Variants in SERPINB5 observed in about 807,000 individuals in gnomAD.
SERPINB5 encodes the protein serpin B5.
In SERPINB5, 27 loss-of-function variants were observed where a neutral mutation model predicts 32.2. The ratio of observed to expected loss-of-function variants is 0.84; its 90% CI spans 0.62 to 1.16. The LOEUF (loss-of-function observed/expected upper bound fraction) is 1.16. Ranked by LOEUF, SERPINB5 falls within the 50% of genes most tolerant of loss-of-function variation. The probability of loss-of-function intolerance (pLI) is 0.00; values close to 1 mark genes in which losing one functional copy is unlikely to be tolerated. For missense variants in SERPINB5, 388 were observed against 436.3 expected, an observed-to-expected ratio of 0.89 and a Z score of 0.99; for synonymous variants, 154 against 157.4, an observed-to-expected ratio of 0.98 and a Z score of 0.16.
intron 1 of SERPINB5, among the ~76,000 whole-genome samples, chr18:63,481,543 G>T (rs1917127593): frequency 6.6e-6 from 1 of 152,226 alleles, no homozygotes; most frequent in Non-Finnish European, 1.5e-5. Flanking sequence ...TGGTGGAAGT[G>T]TTAAGAAGCT....
chr18:63,504,731 T>C lies in SERPINB5; in HGVS notation c.*1009T>C, dbSNP rs1012218378. 2 of 152,192 alleles carry C rather than the reference T, an allele frequency of 1.3e-5. No homozygotes were observed. Among genetic ancestry groups the C allele is most frequent in the Non-Finnish European group, 2.9e-5 (2 of 68,032 alleles). The allele number at this position is 152,192 out of a possible 1,614,324, so 9.4% of individuals were successfully genotyped here. On this transcript the variant is annotated 3_prime_UTR_variant, in exon 7 of 7. Coordinates refer to ENST00000382771, the MANE Select transcript of SERPINB5 (RefSeq NM_002639.5). Reference sequence around the variant, plus strand: ...TGTGTTGAAGGAACTTGTCTCTTCATCTAATATGATAGCGGGAAAAGGAGA... The same window carrying C: ...TGTGTTGAAGGAACTTGTCTCTTCACCTAATATGATAGCGGGAAAAGGAGA...
At position 63,493,031 on chromosome 18, in the gene SERPINB5, T is replaced by C; in HGVS notation, c.503T>C (p.Val168Ala). The change falls in exon 5 of 7, where the codon GTT becomes GCT. Residue 168 changes from valine (V) to alanine (A), a missense_variant. Transcript: ENST00000382771. ...KILVVNAAYF[V>A]GKWMKKFSES... Reference sequence around the variant, plus strand: ...CTTGTGGTTAATGCTGCCTACTTTGTTGGCAAGTGGATGAAGAAATTTTCT... The same window carrying C: ...CTTGTGGTTAATGCTGCCTACTTTGCTGGCAAGTGGATGAAGAAATTTTCT... 6.2e-7 allele frequency: 1 copy of C among 1,614,244 alleles called. No homozygotes were observed.
chr18:63,492,991 G>C lies in SERPINB5; in HGVS notation c.463G>C (p.Asp155His), dbSNP rs1352255563. The C allele has an allele frequency of 6.2e-7, 1 of 1,614,102 alleles. No homozygotes were observed. Among genetic ancestry groups the C allele is most frequent in the Admixed American group, 1.7e-5 (1 of 60,018 alleles). ...ENILADNSVN[D>H]QTKILVVNAA... Reference sequence around the variant, plus strand: ...CATTTTAGCTGACAACAGTGTGAACGACCAGACCAAAATCCTTGTGGTTAA... The same window carrying C: ...CATTTTAGCTGACAACAGTGTGAACCACCAGACCAAAATCCTTGTGGTTAA... Residue 155 changes from aspartate (D) to histidine (H), a missense_variant, in exon 5 of 7, where the codon GAC (aspartate) becomes CAC (histidine). Physicochemically the swap from Asp to His is moderately conservative, Grantham distance 81. Transcript: ENST00000382771.
rs891966237 is a variant in SERPINB5 at position 63,500,999 on chromosome 18, A to G, written c.735+1712A>G. 2.7e-5 allele frequency among the ~76,000 whole-genome samples: 4 copies of G among 148,258 alleles called. No individual in the cohort carries two copies. The East Asian group carries it at 7.8e-4, about 29-fold the overall frequency. ...CTTAAAACGCCCTCCAATAAACATCAATTATTTTCTTCTTCTTCTTCTTTT... is the reference window on the plus strand; with the variant it reads ...CTTAAAACGCCCTCCAATAAACATCGATTATTTTCTTCTTCTTCTTCTTTT... On this transcript the variant is annotated intron_variant, in intron 6 of 6. Transcript: ENST00000382771.
chr18:63,489,743 GC>G (rs2144499604), intron 4 of SERPINB5, among the ~76,000 whole-genome samples: 2 of 152,254 alleles, frequency 1.3e-5, no homozygotes, highest in African/African-American at 4.8e-5. Flanking sequence ...AATCCTAGCT[GC>G]GCCTCTAACA....
At position 63,486,950 on chromosome 18, in the gene SERPINB5, T is replaced by C. The variant is rs759489446; in HGVS notation, c.173T>C (p.Leu58Pro). ...AACGGATTTTTCTCTTAACAGGTTC[T>C]TCATTTTGAAAATGTCAAAGATGTA... is the stretch of plus-strand genomic sequence containing the variant. The part of the protein sequence containing the change: ...GDTANEIGQV[L>P]HFENVKDVPF... The change falls in exon 3 of 7, where the codon CTT becomes CCT. Residue 58 changes from leucine to proline, a missense_variant. Transcript: ENST00000382771. The C allele has an allele frequency of 5.0e-6, 8 of 1,613,982 alleles. No individual in the cohort carries two copies. The highest frequency in any genetic ancestry group is 1.6e-4 in the Middle Eastern group (1 of 6,082).
rs376117295 is a variant in SERPINB5, at chr18:63,499,047, G to GTGTGTA, written c.568-72_568-71insGTGTAT. ...TGTGTGTGTGTGTGCGCGCGTGTGT[G>GTGTGTA]TATATATATATATATATATATTTAT... On this transcript the variant is annotated intron_variant, in intron 5 of 6. Coordinates refer to ENST00000382771, the MANE Select transcript of SERPINB5 (RefSeq NM_002639.5). 539 of 497,858 alleles carry GTGTGTA rather than the reference G, an allele frequency of 1.1e-3. 1 individual carries two copies. The highest frequency in any genetic ancestry group is 0.01 in the African/African-American group (505 of 50,276). The allele number at this position is 497,858 out of a possible 1,614,324, so 30.8% of individuals were successfully genotyped here.
chr18:63,479,431 A>G (rs555591343), intron 1 of SERPINB5, among the ~76,000 whole-genome samples: 3 of 152,316 alleles, frequency 2.0e-5, no homozygotes, highest in Non-Finnish European at 4.4e-5. Flanking sequence ...CCCTACCCCC[A>G]GCCCAGTACA....
chr18:63,483,015 A>G (rs905434979), intron 1 of SERPINB5, among the ~76,000 whole-genome samples: 2 of 152,144 alleles, frequency 1.3e-5, no homozygotes, highest in Non-Finnish European at 2.9e-5. Flanking sequence ...TGAGAATGAT[A>G]ATGTCTTAGT....
rs1490512566 is a variant in SERPINB5, at chr18:63,504,642, G to C, written c.*920G>C. 6.6e-6 allele frequency: 1 copy of C among 152,210 alleles called. No homozygotes were observed. Among genetic ancestry groups the C allele is most frequent in the Non-Finnish European group, 1.5e-5 (1 of 68,034 alleles). 9.4% of individuals were successfully genotyped at this position (152,210 alleles called of 1,614,324 possible). ...CCATCTGGTCATTTGGTTGGCACTA[G>C]ACTGGTGGCAGGGGCTTCTAGCTGA... On this transcript the variant is annotated 3_prime_UTR_variant, in exon 7 of 7. Coordinates refer to ENST00000382771, the MANE Select transcript of SERPINB5 (RefSeq NM_002639.5).
At chr18:63,502,118 C>G (rs1909581757) in intron 6 of SERPINB5, among the ~76,000 whole-genome samples, 1 of 149,082 alleles carries the variant, frequency 6.7e-6, no homozygotes, top group Non-Finnish European at 1.5e-5. Flanking sequence ...AGAAAATGAC[C>G]TTTTGAGTTT....
chr18:63,486,820 T>C, intron 2 of SERPINB5, 126 bp from the exon 3 acceptor site: 1 of 934,698 alleles, frequency 1.1e-6, no homozygotes. Context: ...TGAGGAGCCT[T>C]ACTTTACGGG....
chr18:63,492,996 G>T lies in SERPINB5; in HGVS notation c.468G>T (p.Gln156His). The T allele has an allele frequency of 6.2e-7, 1 of 1,614,218 alleles. No individual in the cohort carries two copies. Among genetic ancestry groups the T allele is most frequent in the Non-Finnish European group, 8.5e-7 (1 of 1,180,034 alleles). Reference sequence around the variant, plus strand: ...TAGCTGACAACAGTGTGAACGACCAGACCAAAATCCTTGTGGTTAATGCTG... The same window carrying T: ...TAGCTGACAACAGTGTGAACGACCATACCAAAATCCTTGTGGTTAATGCTG... Reference protein sequence around the residue: ...NILADNSVNDQTKILVVNAAY... With the variant: ...NILADNSVNDHTKILVVNAAY... The change falls in exon 5 of 7, where the codon CAG becomes CAT. Residue 156 changes from glutamine to histidine, a missense_variant. Coordinates refer to ENST00000382771, the MANE Select transcript of SERPINB5 (RefSeq NM_002639.5).
At position 63,486,955 on chromosome 18, in the gene SERPINB5, T is replaced by C. The variant is rs1236796297; in HGVS notation, c.178T>C (p.Phe60Leu). The change falls in exon 3 of 7, where the codon TTT becomes CTT. Residue 60 changes from phenylalanine (F) to leucine (L), a missense_variant. Transcript: ENST00000382771. ...TANEIGQVLH[F>L]ENVKDVPFGF... is the part of the protein sequence containing the mutation. ...ATTTTTCTCTTAACAGGTTCTTCATTTTGAAAATGTCAAAGATGTACCCTT... is the reference window on the plus strand; with the variant it reads ...ATTTTTCTCTTAACAGGTTCTTCATCTTGAAAATGTCAAAGATGTACCCTT... 2 of 1,614,010 alleles carry C rather than the reference T, an allele frequency of 1.2e-6. No homozygotes were observed. Among genetic ancestry groups the C allele is most frequent in the African/African-American group, 2.7e-5 (2 of 74,934 alleles).
chr18:63,499,828 T>C lies in SERPINB5; in HGVS notation c.735+541T>C, dbSNP rs140383094. The stretch of plus-strand genomic sequence containing the variant: ...GCTCTTTCTTTTTTTTTAAAATTAG[T>C]AGATGTTATTTTTAGAGTAGATCTA... On this transcript the variant is annotated intron_variant, in intron 6 of 6. Transcript: ENST00000382771. Among the ~76,000 whole-genome samples the C allele has an allele frequency of 3.8e-3, 576 of 152,120 alleles. 3 individuals carry two copies. Among genetic ancestry groups the C allele is most frequent in the Middle Eastern group, 6.8e-3 (2 of 294 alleles).
At chr18:63,480,094 G>C (rs977582356) in intron 1 of SERPINB5, among the ~76,000 whole-genome samples, 22 of 152,166 alleles carry the variant, frequency 1.4e-4, no homozygotes, top group African/African-American at 5.3e-4. Context: ...GGTGGCCTGG[G>C]AGACTCACTT....
intron 1 of SERPINB5, among the ~76,000 whole-genome samples, chr18:63,480,579 G>A (rs888812181): frequency 6.6e-6 from 1 of 152,192 alleles, no homozygotes. Flanking sequence ...GTCTGTGTAG[G>A]AAGTTTGTAT....
intron 4 of SERPINB5, 76 bp from the exon 5 acceptor site, chr18:63,492,877 G>T (rs887296108): frequency 2.6e-6 from 4 of 1,535,098 alleles, no homozygotes; most frequent in Non-Finnish European, 2.7e-6. Flanking sequence ...TAAATACTCA[G>T]TGAATATGCA....
Position 63,484,468 on chromosome 18 carries a change from GA to G in SERPINB5, c.41del (p.Asp14ValfsTer60). The G allele has an allele frequency of 2.5e-6, 4 of 1,613,850 alleles. No homozygotes were observed. Among genetic ancestry groups the G allele is most frequent in the Non-Finnish European group, 3.4e-6 (4 of 1,179,900 alleles). On this transcript the variant is annotated frameshift_variant, in exon 2 of 7. Coordinates refer to ENST00000382771, the MANE Select transcript of SERPINB5 (RefSeq NM_002639.5). LOFTEE classifies it high-confidence loss of function. ...ACTAGCAAATTCGGCTTTTGCCGTT[GA>G]TCTGTTCAAACAACTATGTGAAAAG... ...LQLANSAFAV[D>X]LFKQLCEKEP...
Sources: allele counts gnomAD v4.1 joint callset (sites outside exome capture counted in the v4.1 genomes callset), GRCh38; gene constraint gnomAD v4.1.1; transcripts MANE v1.5; gene names NCBI Gene and HGNC (gene_info 2026-07-23, HGNC 2026-07-21).